Variants in DPP10 observed in about 807,000 individuals in gnomAD.
DPP10 encodes the protein inactive dipeptidyl peptidase 10.
In DPP10, 33 loss-of-function variants were observed where a neutral mutation model predicts 120.9. That is an observed-to-expected ratio of 0.27 (90% CI 0.21 to 0.37). The LOEUF is 0.37. Ranked by LOEUF, DPP10 falls within the 10% of genes least tolerant of loss-of-function variation. The probability of loss-of-function intolerance (pLI) is 1.00; values close to 1 mark genes in which losing one functional copy is unlikely to be tolerated. For synonymous variants in DPP10, 337 were observed against 326.1 expected, an observed-to-expected ratio of 1.03 and a Z score of -0.36; for missense variants, 816 against 942.8, an observed-to-expected ratio of 0.87 and a Z score of 1.76.
chr2:115,215,619 G>T (rs1205745282), intron 1 of DPP10, among the ~76,000 whole-genome samples: 1 of 151,320 alleles, frequency 6.6e-6, no homozygotes, highest in East Asian at 1.9e-4. Flanking sequence ...TACAGAAGTG[G>T]GCAAAGATGT....
chr2:115,317,218 C>T (rs1402339742), intron 2 of DPP10, among the ~76,000 whole-genome samples: 1 of 150,112 alleles, frequency 6.7e-6, no homozygotes, highest in Non-Finnish European at 1.5e-5. Flanking sequence ...CATCCCCTGG[C>T]AATCACCAAT....
chr2:115,375,891 A>T (rs1237192833), intron 3 of DPP10, among the ~76,000 whole-genome samples: 1 of 152,238 alleles, frequency 6.6e-6, no homozygotes, highest in Non-Finnish European at 1.5e-5. Context: ...GTCACCTCCC[A>T]TCAGACCCAT....
At chr2:114,995,717 C>T (rs1230024183) in intron 1 of DPP10, among the ~76,000 whole-genome samples, 1 of 152,128 alleles carries the variant, frequency 6.6e-6, no homozygotes. Context: ...AGTTTGGAAA[C>T]ATCATCAGTG....
At chr2:114,493,604 G>A (rs187234811) in intron 1 of DPP10, among the ~76,000 whole-genome samples, 2 of 146,126 alleles carry the variant, frequency 1.4e-5, no homozygotes, top group East Asian at 4.1e-4. Context: ...CAATGAAGTA[G>A]CAGAGACACT....
intron 3 of DPP10, among the ~76,000 whole-genome samples, chr2:115,482,523 A>G (rs2075503262): frequency 6.6e-6 from 1 of 152,008 alleles, no homozygotes; most frequent in African/African-American, 2.4e-5. Flanking sequence ...TCTAGTACAC[A>G]GTCATTTCTG....
At chr2:115,712,540 T>TTTATATATATATATA (rs778592374) in intron 7 of DPP10, among the ~76,000 whole-genome samples, 1 of 18,060 alleles carries the variant, frequency 5.5e-5, no homozygotes, top group East Asian at 3.6e-3. Flanking sequence ...GAGTCCTGAA[T>TTTATATATATATATA]TAAATATATA....
At chr2:115,342,482 G>A (rs2063499055) in intron 2 of DPP10, among the ~76,000 whole-genome samples, 1 of 152,094 alleles carries the variant, frequency 6.6e-6, no homozygotes, top group Non-Finnish European at 1.5e-5. Flanking sequence ...GCAAAGTGCT[G>A]GGATTACAGG....
At chr2:115,369,337 A>C (rs2065258484) in intron 3 of DPP10, among the ~76,000 whole-genome samples, 1 of 152,100 alleles carries the variant, frequency 6.6e-6, no homozygotes, top group South Asian at 2.1e-4. Flanking sequence ...AGAAGTTTAG[A>C]TTATTATAAT....
chr2:115,723,451 G>C (rs1029415657), intron 7 of DPP10, among the ~76,000 whole-genome samples: 2 of 152,004 alleles, frequency 1.3e-5, no homozygotes, highest in Non-Finnish European at 2.9e-5. Context: ...GTTATTATAT[G>C]GTGTGGATGA....
At chr2:114,525,138 T>C (rs1685396748) in intron 1 of DPP10, among the ~76,000 whole-genome samples, 1 of 152,206 alleles carries the variant, frequency 6.6e-6, no homozygotes, top group African/African-American at 2.4e-5. Flanking sequence ...AACTGTATCC[T>C]ATGTTCCTTT....
intron 1 of DPP10, among the ~76,000 whole-genome samples, chr2:114,599,464 T>C (rs1383520075): frequency 6.6e-6 from 1 of 151,884 alleles, no homozygotes; most frequent in Admixed American, 6.6e-5. Flanking sequence ...TCTAGGTTTT[T>C]TGGAGTGATA....
chr2:115,578,825 G>A (rs1238175350), intron 5 of DPP10, among the ~76,000 whole-genome samples: 1 of 152,142 alleles, frequency 6.6e-6, no homozygotes, highest in Admixed American at 6.5e-5. Flanking sequence ...AGTTCATCAA[G>A]GCTGCTAATA....
intron 1 of DPP10, among the ~76,000 whole-genome samples, chr2:114,889,459 A>T (rs891594587): frequency 2.7e-5 from 4 of 147,580 alleles, no homozygotes; most frequent in Non-Finnish European, 6.1e-5. Flanking sequence ...TAATGGTAAA[A>T]CTATTACATG....
chr2:115,065,651 G>C lies in DPP10; in HGVS notation c.61-243588G>C, dbSNP rs369497433. The C allele has an allele frequency of 9.5e-4, 145 of 151,868 alleles. 2 individuals are homozygous for C. The highest frequency in any genetic ancestry group is 3.3e-3 in the African/African-American group (137 of 41,406). The allele number at this position is 151,868 out of a possible 1,614,324, so 9.4% of individuals were successfully genotyped here. On this transcript the variant is annotated intron_variant, in intron 1 of 25. Coordinates refer to ENST00000410059, the MANE Select transcript of DPP10 (RefSeq NM_020868.6). ...TGTATGTGTGTGTAGTGTGTATGTA[G>C]TCATTCTTACCAGTAGTGCACACCT... is the stretch of plus-strand genomic sequence containing the variant.
intron 1 of DPP10, among the ~76,000 whole-genome samples, chr2:114,750,220 C>T (rs1312903241): frequency 6.6e-6 from 1 of 151,802 alleles, no homozygotes; most frequent in East Asian, 1.9e-4. Context: ...CAGGAAACAA[C>T]TCCATGCAAT....
chr2:114,566,307 A>G (rs1410785474), intron 1 of DPP10, among the ~76,000 whole-genome samples: 1 of 152,224 alleles, frequency 6.6e-6, no homozygotes, highest in Non-Finnish European at 1.5e-5. Flanking sequence ...AGTGAAAAAC[A>G]CTGTTTAAAA....
intron 1 of DPP10, among the ~76,000 whole-genome samples, chr2:114,659,513 T>C (rs1188163422): frequency 1.3e-5 from 2 of 152,094 alleles, no homozygotes; most frequent in African/African-American, 2.4e-5. Context: ...GTATTAGGCC[T>C]ACTTCTATTT....
At chr2:115,041,433 AGAG>A (rs150064212) in intron 1 of DPP10, among the ~76,000 whole-genome samples, 4,686 of 152,198 alleles carry the variant, frequency 0.031, 241 homozygotes, top group African/African-American at 0.11. Flanking sequence ...TTAACCCAGG[AGAG>A]GAGGGTTCTT....
At chr2:115,727,336 T>C (rs1359919014) in intron 7 of DPP10, among the ~76,000 whole-genome samples, 2 of 152,146 alleles carry the variant, frequency 1.3e-5, no homozygotes, top group Non-Finnish European at 2.9e-5. Context: ...ATCTGTGAGC[T>C]GAGCTAGATA....
Sources: allele counts gnomAD v4.1 joint callset (sites outside exome capture counted in the v4.1 genomes callset), GRCh38; gene constraint gnomAD v4.1.1; transcripts MANE v1.5; gene names NCBI Gene and HGNC (gene_info 2026-07-23, HGNC 2026-07-21).